Variants in NEO1 observed in about 807,000 individuals in gnomAD.
NEO1 encodes the protein neogenin 1.
Under a neutral mutation model 159.7 loss-of-function variants are expected in NEO1, and 63 were observed. The ratio of observed to expected loss-of-function variants is 0.39; its 90% CI spans 0.32 to 0.49. The LOEUF (loss-of-function observed/expected upper bound fraction) is 0.49. Ranked by LOEUF, NEO1 falls within the 20% of genes least tolerant of loss-of-function variation. NEO1 has a pLI of 0.85. For missense variants in NEO1, 1,615 were observed against 1,831.0 expected (o/e 0.88, Z 2.15); for synonymous variants, 633 against 662.0 (o/e 0.96, Z 0.67).
chr15:73,052,709 A>G lies in NEO1; in HGVS notation c.34A>G (p.Ser12Gly), dbSNP rs755687487. The part of the protein sequence containing the change: ...AAERGARRLL[S>G]TPSFWLYCLL... ...GGAGCGGGGAGCCCGGCGACTCCTC[A>G]GCACCCCCTCCTTCTGGCTCTACTG... Residue 12 changes from serine (S) to glycine (G), a missense_variant, in exon 1 of 29, where the codon AGC (serine) becomes GGC (glycine). Physicochemically the swap from Ser to Gly is moderately conservative, Grantham distance 56 (BLOSUM62 0). Transcript: ENST00000261908. 2.2e-6 allele frequency: 3 copies of G among 1,359,460 alleles called. No individual in the cohort carries two copies. The highest frequency in any genetic ancestry group is 2.7e-5 in the Admixed American group (1 of 37,048). 84.2% of individuals were successfully genotyped at this position (1,359,460 alleles called of 1,614,324 possible).
chr15:73,232,288 G>T (rs2046017), intron 7 of NEO1, among the ~76,000 whole-genome samples: 65,854 of 151,950 alleles, frequency 0.43, 15,450 homozygotes, highest in Admixed American at 0.53. Context: ...TGTTTTTGTT[G>T]AGTATTTAGT....
chr15:73,115,155 G>A lies in NEO1; in HGVS notation c.131-1385G>A, dbSNP rs921540557. On this transcript the variant is annotated intron_variant, in intron 1 of 28. Coordinates refer to ENST00000261908, the MANE Select transcript of NEO1 (RefSeq NM_002499.4). The stretch of plus-strand genomic sequence containing the variant: ...CCTCCCAGGTTCAAGTGATTTTCCC[G>A]CCTCAGCCTCCCAACTAGCTGGGAC... 3.3e-5 allele frequency among the ~76,000 whole-genome samples: 5 copies of A among 152,040 alleles called. No individual in the cohort carries two copies. The East Asian group carries it at 5.8e-4, about 18-fold the overall frequency.
chr15:73,301,471 G>A lies in NEO1; in HGVS notation c.4302+14G>A, dbSNP rs1055907960. On this transcript the variant is annotated intron_variant, in intron 28 of 28. Coordinates refer to ENST00000261908, the MANE Select transcript of NEO1 (RefSeq NM_002499.4). Reference sequence around the variant, plus strand: ...GACTCCGAGAGTGTAAGTTCGTGGGGCCATCAGTCCAGCCAGATTGCCTGG... The same window carrying A: ...GACTCCGAGAGTGTAAGTTCGTGGGACCATCAGTCCAGCCAGATTGCCTGG... 6 of 1,613,932 alleles carry A rather than the reference G, an allele frequency of 3.7e-6. No homozygotes were observed. The highest frequency in any genetic ancestry group is 3.3e-4 in the Middle Eastern group (2 of 6,082).
Position 73,108,607 on chromosome 15 carries a change from ACT to A in NEO1, c.131-7928_131-7927del, listed in dbSNP as rs200812574. ...CCATGGCAAGACGGGTCATTTTAAT[ACT>A]CTCTAATAGTCTAGCCTGCTCATGG... On this transcript the variant is annotated intron_variant, in intron 1 of 28. Coordinates refer to ENST00000261908, the MANE Select transcript of NEO1 (RefSeq NM_002499.4). Among the ~76,000 whole-genome samples, 1,058 of 152,306 alleles carry A rather than the reference ACT, an allele frequency of 6.9e-3. 14 individuals carry two copies. Among genetic ancestry groups the A allele is most frequent in the African/African-American group, 0.024 (1,008 of 41,570 alleles).
At chr15:73,149,621 T>TA (rs2033212567) in intron 5 of NEO1, among the ~76,000 whole-genome samples, 2 of 151,870 alleles carry the variant, frequency 1.3e-5, no homozygotes, top group South Asian at 2.1e-4. Context: ...AAAAAAAAGA[T>TA]ACGATATTTT....
intron 1 of NEO1, among the ~76,000 whole-genome samples, chr15:73,082,337 A>G (rs1360399018): frequency 6.6e-6 from 1 of 152,112 alleles, no homozygotes; most frequent in Non-Finnish European, 1.5e-5. Context: ...ATTTTGACTG[A>G]TGTGTTTCTG....
chr15:73,208,903 T>C (rs2037391267), intron 7 of NEO1, among the ~76,000 whole-genome samples: 2 of 151,954 alleles, frequency 1.3e-5, no homozygotes, highest in African/African-American at 4.8e-5. Context: ...ACAAAAAACC[T>C]TAAGATTTTC....
chr15:73,065,998 C>A (rs2068194985), intron 1 of NEO1, among the ~76,000 whole-genome samples: 1 of 151,156 alleles, frequency 6.6e-6, no homozygotes, highest in Non-Finnish European at 1.5e-5. Flanking sequence ...TTGACCTTTT[C>A]AGTTCTGTAA....
intron 7 of NEO1, among the ~76,000 whole-genome samples, chr15:73,219,336 C>T (rs988846828): frequency 6.8e-6 from 1 of 146,728 alleles, no homozygotes; most frequent in Non-Finnish European, 1.5e-5. Flanking sequence ...GAGAGCTTTA[C>T]TTCCCAGTAT....
rs34165169 is a variant in NEO1 at position 73,097,776 on chromosome 15, CTTTTTTT to C, written c.131-18748_131-18742del. The stretch of plus-strand genomic sequence containing the variant: ...TTCTAATCCCAGACCTGGAACTAGC[CTTTTTTT>C]TTTTTTTTTTTTTTTGTAAGTTCTT... On this transcript the variant is annotated intron_variant, in intron 1 of 28. Coordinates refer to ENST00000261908, the MANE Select transcript of NEO1 (RefSeq NM_002499.4). Among the ~76,000 whole-genome samples, 13 of 75,542 alleles carry C rather than the reference CTTTTTTT, an allele frequency of 1.7e-4. No homozygotes were observed. The South Asian group carries it at 3.8e-3, about 22-fold the overall frequency. The allele number at this position is 75,542 out of a possible 152,430, so 49.6% of individuals were successfully genotyped here. A position where few individuals can be genotyped will look rare whatever the true frequency, so the allele number is the denominator to read the frequency against.
chr15:73,217,147 T>C (rs1183209069), intron 7 of NEO1, among the ~76,000 whole-genome samples: 1 of 151,042 alleles, frequency 6.6e-6, no homozygotes, highest in Admixed American at 6.6e-5. Context: ...TTTCTACATA[T>C]GGCTAGCCAG....
At position 73,227,125 on chromosome 15, in the gene NEO1, G is replaced by A. The variant is rs570383822; in HGVS notation, c.1292-9222G>A. Reference sequence around the variant, plus strand: ...AATCTAATGTATTGAAACTGGAACCGTCAACCACAGCATAGCTAGATTTTG... The same window carrying A: ...AATCTAATGTATTGAAACTGGAACCATCAACCACAGCATAGCTAGATTTTG... On this transcript the variant is annotated intron_variant, in intron 7 of 28. Transcript: ENST00000261908. 7.6e-4 allele frequency among the ~76,000 whole-genome samples: 116 copies of A among 152,234 alleles called. 1 individual carries two copies. The highest frequency in any genetic ancestry group is 2.7e-3 in the African/African-American group (111 of 41,524).
intron 1 of NEO1, among the ~76,000 whole-genome samples, chr15:73,078,137 T>A (rs1400341202): frequency 2.0e-5 from 3 of 152,164 alleles, no homozygotes. Context: ...TGGTGTATAC[T>A]GTGAATTGGA....
chr15:73,289,013 T>C (rs1254110027), intron 24 of NEO1, 133 bp from the exon 25 acceptor site: 4 of 668,688 alleles, frequency 6.0e-6, no homozygotes, highest in Non-Finnish European at 1.1e-5. Flanking sequence ...TTTATTTCAC[T>C]TCTTACAGAA....
At chr15:73,113,682 G>A (rs552401188) in intron 1 of NEO1, among the ~76,000 whole-genome samples, 213 of 152,262 alleles carry the variant, frequency 1.4e-3, no homozygotes, top group African/African-American at 5.0e-3. Flanking sequence ...GCAAAAATCA[G>A]TGTGGAACAG....
chr15:73,120,069 G>C (rs1215371781), intron 2 of NEO1, among the ~76,000 whole-genome samples: 1 of 152,112 alleles, frequency 6.6e-6, no homozygotes, highest in East Asian at 1.9e-4. Context: ...CCTGGAGGCA[G>C]ATGTTGCAGT....
At chr15:73,250,849 T>C (rs1203162001) in intron 11 of NEO1, among the ~76,000 whole-genome samples, 1 of 152,200 alleles carries the variant, frequency 6.6e-6, no homozygotes, top group African/African-American at 2.4e-5. Context: ...TTACTTAATA[T>C]TAGATACATA....
intron 13 of NEO1, chr15:73,255,932 G>A (rs1480545393): frequency 1.3e-5 from 2 of 152,192 alleles, no homozygotes; most frequent in East Asian, 1.9e-4. Context: ...CACAGGGCAT[G>A]TTTAATCTCG....
rs7183985 is a variant in NEO1 at position 73,202,799 on chromosome 15, C to T, written c.1291+24372C>T. 8.6e-3 allele frequency among the ~76,000 whole-genome samples: 1,315 copies of T among 152,304 alleles called. 23 individuals carry two copies. The highest frequency in any genetic ancestry group is 0.03 in the African/African-American group (1,235 of 41,554). On this transcript the variant is annotated intron_variant, in intron 7 of 28. Transcript: ENST00000261908. ...TGCCCATTCAACAAAGACTCCACAT[C>T]CTTCCCTCTTCCCTTTTACCTTCTA...
Sources: gnomAD v4.1 joint callset for allele counts (sites outside exome capture counted in the v4.1 genomes callset) on GRCh38, gnomAD v4.1.1 for gene constraint, MANE v1.5 for transcripts, NCBI Gene and HGNC (gene_info 2026-07-23, HGNC 2026-07-21) for gene names.